BCL2: variants seen among roughly 807,000 people sequenced by gnomAD.
BCL2 encodes the protein apoptosis regulator Bcl-2.
BCL2 carries 1 observed loss-of-function variant against 14.2 expected under a neutral mutation model. The ratio of observed to expected loss-of-function variants is 0.07; its 90% CI spans 0.02 to 0.33. The LOEUF (loss-of-function observed/expected upper bound fraction) is 0.33. BCL2 is among the 10% of genes least tolerant of loss of function. The probability of loss-of-function intolerance (pLI) is 0.99; values close to 1 mark genes in which losing one functional copy is unlikely to be tolerated. For synonymous variants in BCL2, 151 were observed against 137.2 expected (o/e 1.10, Z -0.70); for missense variants, 247 against 305.9 (o/e 0.81, Z 1.44).
intron 2 of BCL2, among the ~76,000 whole-genome samples, chr18:63,277,805 G>A (rs544561842): frequency 3.3e-5 from 5 of 152,212 alleles, no homozygotes; most frequent in Admixed American, 1.3e-4. Context: ...AATGGCCAAT[G>A]AAAAGGAGGG....
chr18:63,246,703 C>G (rs981596620), intron 2 of BCL2, among the ~76,000 whole-genome samples: 6 of 152,152 alleles, frequency 3.9e-5, no homozygotes, highest in African/African-American at 1.4e-4. Flanking sequence ...CCTACGTTAT[C>G]CATTTTGTTG....
chr18:63,250,644 T>C (rs147660493), intron 2 of BCL2, among the ~76,000 whole-genome samples: 88 of 152,380 alleles, frequency 5.8e-4, no homozygotes, highest in South Asian at 1.9e-3. Context: ...CATATTCATC[T>C]TTCCATATTT....
chr18:63,234,126 G>A (rs916661957), intron 2 of BCL2, among the ~76,000 whole-genome samples: 14 of 152,124 alleles, frequency 9.2e-5, no homozygotes, highest in Non-Finnish European at 2.1e-4. Flanking sequence ...TTTGTAGGAT[G>A]TGCAGGTTAG....
At chr18:63,137,899 C>A (rs367722146) in intron 2 of BCL2, among the ~76,000 whole-genome samples, 2 of 152,114 alleles carry the variant, frequency 1.3e-5, no homozygotes, top group African/African-American at 4.8e-5. Context: ...GGGGAGACGA[C>A]CAGAGGTCAA....
chr18:63,177,057 C>G (rs1915368024), intron 2 of BCL2, among the ~76,000 whole-genome samples: 1 of 151,932 alleles, frequency 6.6e-6, no homozygotes, highest in Non-Finnish European at 1.5e-5. Context: ...GCTGGGACCA[C>G]AGGTGCACAC....
chr18:63,189,683 G>A (rs1269943761), intron 2 of BCL2, among the ~76,000 whole-genome samples: 5 of 150,100 alleles, frequency 3.3e-5, no homozygotes, highest in African/African-American at 9.9e-5. Flanking sequence ...CTGGGAAAAC[G>A]AGAACTGGTG....
rs552119861 is a variant in BCL2 at position 63,216,189 on chromosome 18, A to G, written c.586-87430T>C. ...CTATTTTCCGGATTTTTCTGCAAAA[A>G]TTCTATCTTGCTTTTGTAACCAGAA... On this transcript the variant is annotated intron_variant, in intron 2 of 2. Coordinates refer to ENST00000333681, the MANE Select transcript of BCL2 (RefSeq NM_000633.3). 2.7e-4 allele frequency among the ~76,000 whole-genome samples: 41 copies of G among 152,172 alleles called. 1 individual carries two copies. Among genetic ancestry groups the G allele is most frequent in the African/African-American group, 9.6e-4 (40 of 41,504 alleles).
chr18:63,251,304 GA>G (rs1407835566), intron 2 of BCL2, among the ~76,000 whole-genome samples: 2 of 152,032 alleles, frequency 1.3e-5, no homozygotes, highest in Non-Finnish European at 2.9e-5. Flanking sequence ...ACAGTCCTTG[GA>G]AAAGGAGATG....
intron 2 of BCL2, among the ~76,000 whole-genome samples, chr18:63,169,417 C>G (rs183314738): frequency 1.1e-5 from 1 of 88,650 alleles, no homozygotes; most frequent in Non-Finnish European, 2.3e-5. Context: ...CTTTCTCTCT[C>G]TCTCTCTCTC....
chr18:63,151,813 C>T (rs1490013058), intron 2 of BCL2, among the ~76,000 whole-genome samples: 1 of 152,128 alleles, frequency 6.6e-6, no homozygotes, highest in African/African-American at 2.4e-5. Context: ...CAAGTTGAAA[C>T]CAAATGCCCC....
chr18:63,206,751 GA>G (rs1461105894), intron 2 of BCL2, among the ~76,000 whole-genome samples: 1 of 151,908 alleles, frequency 6.6e-6, no homozygotes, highest in African/African-American at 2.4e-5. Flanking sequence ...AGGATTTAAA[GA>G]AGGGGACTCT....
chr18:63,221,624 C>T (rs1225690112), intron 2 of BCL2, among the ~76,000 whole-genome samples: 1 of 152,208 alleles, frequency 6.6e-6, no homozygotes. Flanking sequence ...TGACCTTGGT[C>T]TTGCATGAGG....
chr18:63,220,384 A>G (rs1910356311), intron 2 of BCL2, among the ~76,000 whole-genome samples: 1 of 152,208 alleles, frequency 6.6e-6, no homozygotes, highest in African/African-American at 2.4e-5. Context: ...GAAAAATTTT[A>G]CAACCACTGT....
At chr18:63,160,786 A>ACGT (rs4987806) in intron 2 of BCL2, among the ~76,000 whole-genome samples, 44,634 of 151,510 alleles carry the variant, frequency 0.29, 9,061 homozygotes, top group East Asian at 0.55. Context: ...TGCGAGAAAA[A>ACGT]AGCCACATCG....
chr18:63,165,335 C>T (rs1430571439), intron 2 of BCL2, among the ~76,000 whole-genome samples: 1 of 152,154 alleles, frequency 6.6e-6, no homozygotes, highest in Non-Finnish European at 1.5e-5. Flanking sequence ...TGGTCTCTGT[C>T]CCTCTCTCTG....
At chr18:63,130,107 T>C (rs564942140) in intron 2 of BCL2, among the ~76,000 whole-genome samples, 6 of 152,256 alleles carry the variant, frequency 3.9e-5, no homozygotes, top group Non-Finnish European at 7.3e-5. Flanking sequence ...GCTCATTTCC[T>C]AGATTTTGGG....
chr18:63,283,958 T>C (rs899392994), intron 2 of BCL2, among the ~76,000 whole-genome samples: 2 of 152,188 alleles, frequency 1.3e-5, no homozygotes, highest in African/African-American at 4.8e-5. Flanking sequence ...AAAATCTGAC[T>C]GGAGACTCCA....
intron 2 of BCL2, among the ~76,000 whole-genome samples, chr18:63,261,064 T>C (rs896523166): frequency 3.9e-5 from 6 of 152,222 alleles, no homozygotes; most frequent in Non-Finnish European, 7.3e-5. Flanking sequence ...GGCTGATTCA[T>C]GCAGGTACTG....
rs79927160 is a variant in BCL2, at chr18:63,310,727, G to A, written c.585+7355C>T. ...ACCAGATTCTAAAACCCCTCTCCATGACCATCACTACCCCGGTTCCTGGGA... is the reference window on the plus strand; with the variant it reads ...ACCAGATTCTAAAACCCCTCTCCATAACCATCACTACCCCGGTTCCTGGGA... On this transcript the variant is annotated intron_variant, in intron 2 of 2. Transcript: ENST00000333681. 5.1e-3 allele frequency among the ~76,000 whole-genome samples: 779 copies of A among 152,306 alleles called. 10 individuals are homozygous for A. The highest frequency in any genetic ancestry group is 0.018 in the African/African-American group (746 of 41,554).
Sources: gnomAD v4.1 joint callset for allele counts (sites outside exome capture counted in the v4.1 genomes callset) on GRCh38, gnomAD v4.1.1 for gene constraint, MANE v1.5 for transcripts, NCBI Gene and HGNC (gene_info 2026-07-23, HGNC 2026-07-21) for gene names.